DZIP1L: variants seen among roughly 807,000 people sequenced by gnomAD.
The protein encoded by DZIP1L is DAZ interacting zinc finger protein 1 like.
DZIP1L carries 90 observed loss-of-function variants against 88.7 expected under a neutral mutation model. That is an observed-to-expected ratio of 1.02 (90% CI 0.86 to 1.21). The LOEUF (loss-of-function observed/expected upper bound fraction) is 1.21, where lower values mean the gene tolerates loss of function less well. DZIP1L is among the 50% of genes most tolerant of loss of function. The pLI is 0.00. For missense variants in DZIP1L, 932 were observed against 955.8 expected (o/e 0.98, Z 0.33); for synonymous variants, 363 against 372.1 (o/e 0.98, Z 0.28).
At chr3:138,080,953 T>G (rs1408075110) in intron 9 of DZIP1L, among the ~76,000 whole-genome samples, 1 of 152,104 alleles carries the variant, frequency 6.6e-6, no homozygotes, top group African/African-American at 2.4e-5. Flanking sequence ...GTGTGGCACA[T>G]GTCTATTATC....
intron 8 of DZIP1L, among the ~76,000 whole-genome samples, chr3:138,083,035 T>C (rs1031758260): frequency 6.6e-6 from 1 of 152,208 alleles, no homozygotes; most frequent in Non-Finnish European, 1.5e-5. Context: ...GTCACCTCTC[T>C]TGCTGTGAAA....
rs1005712928 is a variant in DZIP1L, at chr3:138,079,339, C to T, written c.1288+1228G>A. On this transcript the variant is annotated intron_variant, in intron 10 of 15. Coordinates refer to ENST00000327532, the MANE Select transcript of DZIP1L (RefSeq NM_173543.3). ...GCAATTCTAATTTTTACAACTGTAT[C>T]CCAAGGTTAAATGCACTGGGAGGGT... Among the ~76,000 whole-genome samples the T allele has an allele frequency of 2.0e-5, 3 of 152,184 alleles. No homozygotes were observed. The South Asian group carries it at 6.2e-4, about 32-fold the overall frequency.
chr3:138,066,136 C>G (rs1259936160), intron 14 of DZIP1L, among the ~76,000 whole-genome samples: 1 of 152,208 alleles, frequency 6.6e-6, no homozygotes, highest in East Asian at 1.9e-4. Context: ...GCTGCCTCCT[C>G]TGTCTCAAGC....
chr3:138,101,999 C>A (rs918971350), intron 2 of DZIP1L: 2 of 1,536,282 alleles, frequency 1.3e-6, no homozygotes, highest in Non-Finnish European at 1.8e-6. Flanking sequence ...TCTCAGAGAT[C>A]TCAGTCTTTG....
In DZIP1L at chr3:138,078,792, T is replaced by C. The variant is rs150956664; in HGVS notation, c.1289-1160A>G. ...CATGAGCCTCAACCTTGTCTGCACA[T>C]TGGAATCACCTGCGGAGCTTTAAAT... On this transcript the variant is annotated intron_variant, in intron 10 of 15. Transcript: ENST00000327532. Among the ~76,000 whole-genome samples, 211 of 152,332 alleles carry C rather than the reference T, an allele frequency of 1.4e-3. 2 individuals carry two copies. In the East Asian group the frequency reaches 0.03, roughly 22 times the overall value.
At chr3:138,087,118 G>C in intron 6 of DZIP1L, 95 bp from the exon 7 acceptor site, 1 of 1,113,374 alleles carries the variant, frequency 9.0e-7, no homozygotes, top group East Asian at 2.4e-5. Flanking sequence ...TCATGGGTAG[G>C]CAGACAGAGT....
chr3:138,063,018 G>C lies in DZIP1L; in HGVS notation c.2143-41C>G. The C allele has an allele frequency of 6.2e-7, 1 of 1,606,432 alleles. No individual in the cohort carries two copies. The highest frequency in any genetic ancestry group is 8.5e-7 in the Non-Finnish European group (1 of 1,177,644). ...GGGAGAAGAAAATGCATTTTGATAAGGGAGGAGGGTGGCTGAGAGCTAAGC... is the reference window on the plus strand; with the variant it reads ...GGGAGAAGAAAATGCATTTTGATAACGGAGGAGGGTGGCTGAGAGCTAAGC... On this transcript the variant is annotated intron_variant, in intron 15 of 15. Coordinates refer to ENST00000327532, the MANE Select transcript of DZIP1L (RefSeq NM_173543.3). The surrounding 1 kb of genome is among the most constrained non-coding windows in gnomAD (Gnocchi z 4.1).
intron 10 of DZIP1L, among the ~76,000 whole-genome samples, chr3:138,079,275 T>G (rs79014586): frequency 0.012 from 1,829 of 152,332 alleles, 41 homozygotes; most frequent in African/African-American, 0.041. Flanking sequence ...ATTCATCCTA[T>G]CTGAGTTACT....
chr3:138,095,200 G>A (rs944962032), intron 3 of DZIP1L, among the ~76,000 whole-genome samples: 16 of 152,222 alleles, frequency 1.1e-4, no homozygotes, highest in African/African-American at 3.6e-4. Flanking sequence ...CTGCTGTGAG[G>A]ATGAAATGTG....
At chr3:138,066,924 C>T (rs887854231) in intron 14 of DZIP1L, among the ~76,000 whole-genome samples, 3 of 152,286 alleles carry the variant, frequency 2.0e-5, no homozygotes, top group East Asian at 3.9e-4. Flanking sequence ...CTCTTTCTCT[C>T]GGACCCTCCC....
At chr3:138,066,537 G>C (rs1942910850) in intron 14 of DZIP1L, among the ~76,000 whole-genome samples, 1 of 152,022 alleles carries the variant, frequency 6.6e-6, no homozygotes, top group South Asian at 2.1e-4. Flanking sequence ...GTGGTCTTGG[G>C]CCAGTCATAA....
At chr3:138,100,303 TAGG>T (rs754357073) in intron 2 of DZIP1L, among the ~76,000 whole-genome samples, 7 of 152,244 alleles carry the variant, frequency 4.6e-5, no homozygotes, top group African/African-American at 9.6e-5. Context: ...ACTAAGGTGC[TAGG>T]AGATGTCACA....
intron 5 of DZIP1L, among the ~76,000 whole-genome samples, chr3:138,090,944 C>T (rs1253105426): frequency 1.3e-5 from 2 of 149,824 alleles, no homozygotes; most frequent in Non-Finnish European, 1.5e-5. Flanking sequence ...GGTGCAGTGG[C>T]GTGATCTCAG....
chr3:138,077,627 C>T lies in DZIP1L; in HGVS notation c.1294G>A (p.Glu432Lys). 3 of 1,614,098 alleles carry T rather than the reference C, an allele frequency of 1.9e-6. No homozygotes were observed. Among genetic ancestry groups the T allele is most frequent in the Non-Finnish European group, 1.7e-6 (2 of 1,180,004 alleles). The change falls in exon 11 of 16, where the codon GAG (glutamate) becomes AAG (lysine). Residue 432 changes from glutamate to lysine, a missense_variant. By Grantham distance (56) the Glu-to-Lys change is moderately conservative. Coordinates refer to ENST00000327532, the MANE Select transcript of DZIP1L (RefSeq NM_173543.3). ...TTGTGCTGTTCATCCTGGGAGTCCTCCATCTCTGTAGCATGAGACATTCAC... is the reference window on the plus strand; with the variant it reads ...TTGTGCTGTTCATCCTGGGAGTCCTTCATCTCTGTAGCATGAGACATTCAC... ...TEEDSPEEEM[E>K]DSQDEQHKVL...
chr3:138,068,382 A>G lies in DZIP1L; in HGVS notation c.1616-15T>C. 6.7e-7 allele frequency: 1 copy of G among 1,481,766 alleles called. No homozygotes were observed. Among genetic ancestry groups the G allele is most frequent in the African/African-American group, 1.4e-5 (1 of 70,386 alleles). 91.8% of individuals were successfully genotyped at this position (1,481,766 alleles called of 1,614,324 possible). The stretch of plus-strand genomic sequence containing the variant: ...CTGGCTTTTGACTGGAAACACAGAA[A>G]GGAATGATTTTTGGAGTACACCCAT... On this transcript the variant is annotated splice_polypyrimidine_tract_variant and intron_variant, in intron 12 of 15. Coordinates refer to ENST00000327532, the MANE Select transcript of DZIP1L (RefSeq NM_173543.3).
At chr3:138,095,668 G>T (rs1195573966) in intron 3 of DZIP1L, among the ~76,000 whole-genome samples, 4 of 152,098 alleles carry the variant, frequency 2.6e-5, no homozygotes, top group African/African-American at 9.7e-5. Flanking sequence ...TATAATCCCA[G>T]CTACTCAGGA....
intron 9 of DZIP1L, 125 bp downstream of exon 9, chr3:138,081,609 A>G (rs574782031): frequency 2.1e-6 from 2 of 949,260 alleles, no homozygotes; most frequent in African/African-American, 1.7e-5. Context: ...GCCTGACACT[A>G]CATGTCCACA....
At position 138,062,896 on chromosome 3, in the gene DZIP1L, G is replaced by C; in HGVS notation, c.2224C>G (p.Pro742Ala). Residue 742 changes from proline (P) to alanine (A), a missense_variant, in exon 16 of 16, where the codon CCC becomes GCC. Physicochemically the swap from Pro to Ala is conservative, Grantham distance 27. Coordinates refer to ENST00000327532, the MANE Select transcript of DZIP1L (RefSeq NM_173543.3). ...LDLDQREKPK[P>A]LSRSKLPEKF... is the part of the protein sequence containing the mutation. ...TCTGGGAGCTTTGAGCGAGACAAGG[G>C]CTTGGGTTTCTCTCTCTGGTCCAGG... 1.2e-6 allele frequency: 2 copies of C among 1,614,190 alleles called. No homozygotes were observed. The highest frequency in any genetic ancestry group is 1.7e-6 in the Non-Finnish European group (2 of 1,180,026).
intron 5 of DZIP1L, chr3:138,088,872 C>T (rs1397044902): frequency 1.0e-6 from 1 of 990,328 alleles, no homozygotes; most frequent in African/African-American, 1.7e-5. Context: ...ATGGGAGGGT[C>T]TCACCCCAGG....
Sources: allele counts gnomAD v4.1 joint callset (sites outside exome capture counted in the v4.1 genomes callset), GRCh38; gene constraint gnomAD v4.1.1; non-coding constraint Gnocchi (gnomAD v3.1); transcripts MANE v1.5; gene names NCBI Gene and HGNC (gene_info 2026-07-23, HGNC 2026-07-21).